The following HERC6 variants were observed in gnomAD, a reference collection of about 807,000 sequenced individuals.
HERC6 encodes probable E3 ubiquitin-protein ligase HERC6.
HERC6 carries 101 observed loss-of-function variants against 114.5 expected under a neutral mutation model. That is an observed-to-expected ratio of 0.88 (90% CI 0.75 to 1.04). The LOEUF (loss-of-function observed/expected upper bound fraction) is 1.04, where lower values mean the gene tolerates loss of function less well. Ranked by LOEUF, HERC6 falls within the 50% of genes least tolerant of loss-of-function variation. The pLI, the probability that HERC6 is intolerant of heterozygous loss-of-function variation, is 0.00. For synonymous variants in HERC6, 408 were observed against 436.2 expected (o/e 0.94, Z 0.81); for missense variants, 1,133 against 1,230.9 (o/e 0.92, Z 1.19).
In HERC6 at chr4:88,442,378, C is replaced by T. The variant is rs1173464026; in HGVS notation, c.2987C>T (p.Thr996Ile). 9 of 1,613,846 alleles carry T rather than the reference C, an allele frequency of 5.6e-6. No individual in the cohort carries two copies. Among genetic ancestry groups the T allele is most frequent in the Non-Finnish European group, 7.6e-6 (9 of 1,179,868 alleles). ...HNILSLPKYS[T>I]MERMEEALQV... Reference sequence around the variant, plus strand: ...ATTCTCTCCCTCCCTAAGTATTCTACAATGGAAAGAATGGAGGAAGCACTT... The same window carrying T: ...ATTCTCTCCCTCCCTAAGTATTCTATAATGGAAAGAATGGAGGAAGCACTT... The change falls in exon 23 of 23, where the codon ACA (threonine) becomes ATA (isoleucine). Residue 996 changes from threonine (T) to isoleucine (I), a missense_variant. Thr to Ile is a moderately conservative substitution (Grantham distance 89). This residue lies in a region of HERC6 where 388 missense variants were observed against 445.9 expected (regional missense o/e 0.87). Transcript: ENST00000264346.
At chr4:88,430,545 G>A (rs182368276) in intron 16 of HERC6, among the ~76,000 whole-genome samples, 32 of 151,138 alleles carry the variant, frequency 2.1e-4, no homozygotes, top group African/African-American at 6.3e-4. Flanking sequence ...ACTCCAGCCT[G>A]GGCAGCAGAG....
intron 10 of HERC6, 105 bp downstream of exon 10, chr4:88,405,718 A>G: frequency 1.8e-6 from 1 of 560,612 alleles, no homozygotes. Context: ...CTTGCCCACA[A>G]AGTCCAACAC....
At position 88,435,860 on chromosome 4, in the gene HERC6, G is replaced by A. The variant is rs1738680811; in HGVS notation, c.2386G>A (p.Asp796Asn). 1 of 1,608,622 alleles carries A rather than the reference G, an allele frequency of 6.2e-7. No individual in the cohort carries two copies. The highest frequency in any genetic ancestry group is 1.3e-5 in the African/African-American group (1 of 74,534). The change falls in exon 18 of 23, where the codon GAT (aspartate) becomes AAT (asparagine). Residue 796 changes from aspartate to asparagine, a missense_variant. By Grantham distance (23) the Asp-to-Asn change is conservative. Coordinates refer to ENST00000264346, the MANE Select transcript of HERC6 (RefSeq NM_017912.4). Reference sequence around the variant, plus strand: ...TCTGGACCAAAAGCCATCATTGGAAGATTTAAAAGAACTCAGTCCTCGGTT... The same window carrying A: ...TCTGGACCAAAAGCCATCATTGGAAAATTTAAAAGAACTCAGTCCTCGGTT... ...KLLDQKPSLEDLKELSPRLGK... is the reference protein window; with the variant it reads ...KLLDQKPSLENLKELSPRLGK...
chr4:88,392,121 C>T (rs1353547454), intron 4 of HERC6, among the ~76,000 whole-genome samples: 1 of 118,150 alleles, frequency 8.5e-6, no homozygotes, highest in Admixed American at 8.4e-5. Context: ...CCCCTCTCCC[C>T]TCCCTTCCCC....
intron 17 of HERC6, 70 bp from the exon 18 acceptor site, chr4:88,435,655 A>C: frequency 9.5e-7 from 1 of 1,057,422 alleles, no homozygotes; most frequent in Non-Finnish European, 1.2e-6. Flanking sequence ...ATTTTTTTTT[A>C]CTAATCTAAT....
rs1736434463 is a variant in HERC6, at chr4:88,415,958, T to C, written c.1559-1467T>C. On this transcript the variant is annotated intron_variant, in intron 12 of 22. Transcript: ENST00000264346. ...TAAAGTGTGGTGATCACTGATTGGTTGAGAAGTGAGGGGTGAAGTCAGGGA... is the reference window on the plus strand; with the variant it reads ...TAAAGTGTGGTGATCACTGATTGGTCGAGAAGTGAGGGGTGAAGTCAGGGA... 2.0e-5 allele frequency among the ~76,000 whole-genome samples: 3 copies of C among 152,178 alleles called. No individual in the cohort carries two copies. The South Asian group carries it at 6.2e-4, about 31-fold the overall frequency.
intron 6 of HERC6, among the ~76,000 whole-genome samples, chr4:88,396,365 C>T (rs1233408808): frequency 6.6e-6 from 1 of 151,950 alleles, no homozygotes; most frequent in Non-Finnish European, 1.5e-5. Context: ...GAACACTGTA[C>T]CAGGTGCTGG....
At chr4:88,422,473 G>A (rs1007587400) in intron 13 of HERC6, among the ~76,000 whole-genome samples, 2 of 152,094 alleles carry the variant, frequency 1.3e-5, no homozygotes, top group Non-Finnish European at 2.9e-5. Flanking sequence ...GTTTGCTGAG[G>A]GCTTTGTTCT....
intron 13 of HERC6, among the ~76,000 whole-genome samples, chr4:88,418,432 GC>G (rs747507872): frequency 6.6e-5 from 10 of 152,174 alleles, no homozygotes; most frequent in Non-Finnish European, 1.2e-4. Context: ...TACATACAGG[GC>G]ACTCCTGGAC....
intron 13 of HERC6, among the ~76,000 whole-genome samples, chr4:88,420,944 C>T (rs2148937185): frequency 6.6e-6 from 1 of 152,284 alleles, no homozygotes; most frequent in African/African-American, 2.4e-5. Flanking sequence ...ACTCCCATCC[C>T]CTTATTCTCA....
chr4:88,390,969 C>G (rs1056926886), intron 4 of HERC6, 90 bp downstream of exon 4: 1 of 1,038,662 alleles, frequency 9.6e-7, no homozygotes, highest in Non-Finnish European at 1.4e-6. Context: ...ACGCTTAAAA[C>G]AGTGGTTCCC....
chr4:88,390,505 C>T, intron 3 of HERC6, 147 bp from the exon 4 acceptor site: 1 of 696,670 alleles, frequency 1.4e-6, no homozygotes, highest in Non-Finnish European at 2.3e-6. Flanking sequence ...TTCAGCTCAT[C>T]ATATTGTATA....
intron 2 of HERC6, 113 bp downstream of exon 2, chr4:88,383,493 T>C: frequency 1.2e-6 from 1 of 818,700 alleles, no homozygotes; most frequent in Non-Finnish European, 1.7e-6. Flanking sequence ...CTGCAGTGGT[T>C]CATGTCTGTA....
In HERC6 at chr4:88,442,928, C is replaced by T. The variant is rs1739475517; in HGVS notation, c.*468C>T. ...TGGCTGTGAGTCAGTCTTTCATTTACATAGGGTGTAACCATCAAGAAACCT... is the reference window on the plus strand; with the variant it reads ...TGGCTGTGAGTCAGTCTTTCATTTATATAGGGTGTAACCATCAAGAAACCT... On this transcript the variant is annotated 3_prime_UTR_variant, in exon 23 of 23. Coordinates refer to ENST00000264346, the MANE Select transcript of HERC6 (RefSeq NM_017912.4). The T allele has an allele frequency of 5.5e-6, 1 of 181,874 alleles. No individual in the cohort carries two copies. The highest frequency in any genetic ancestry group is 2.3e-5 in the African/African-American group (1 of 42,740). The allele number at this position is 181,874 out of a possible 1,614,324, so 11.3% of individuals were successfully genotyped here.
At position 88,393,682 on chromosome 4, in the gene HERC6, T is replaced by G; in HGVS notation, c.759+100T>G. 10 of 607,760 alleles carry G rather than the reference T, an allele frequency of 1.6e-5. 1 individual carries two copies. The South Asian group carries it at 2.4e-4, about 15-fold the overall frequency. 37.6% of individuals were successfully genotyped at this position (607,760 alleles called of 1,614,324 possible). On this transcript the variant is annotated intron_variant, in intron 5 of 22. Transcript: ENST00000264346. ...TGAAAGACAGAGACATTAGCCCATTTGGGCCACTATAACAAAATACCATAA... is the reference window on the plus strand; with the variant it reads ...TGAAAGACAGAGACATTAGCCCATTGGGGCCACTATAACAAAATACCATAA...
At chr4:88,386,199 C>CTTTTTTTTTTTTTTTTTTTTTTTTTTT (rs1262540915) in intron 3 of HERC6, among the ~76,000 whole-genome samples, 1 of 131,940 alleles carries the variant, frequency 7.6e-6, no homozygotes. Flanking sequence ...TTTTTCTTTT[C>CTTTTTTTTTTTTTTTTTTTTTTTTTTT]TTTTTTTTTT....
chr4:88,415,017 AC>A (rs1211846006), intron 12 of HERC6, among the ~76,000 whole-genome samples: 1 of 152,100 alleles, frequency 6.6e-6, no homozygotes. Context: ...ACAGAGCAAT[AC>A]CCTATCTCAA....
intron 20 of HERC6, among the ~76,000 whole-genome samples, chr4:88,438,577 A>G (rs1436953589): frequency 1.3e-5 from 2 of 152,202 alleles, no homozygotes; most frequent in African/African-American, 4.8e-5. Flanking sequence ...AATGTCAGAT[A>G]AGGATGAGCA....
intron 3 of HERC6, among the ~76,000 whole-genome samples, chr4:88,386,841 G>A (rs1479442112): frequency 1.3e-5 from 2 of 152,118 alleles, no homozygotes; most frequent in East Asian, 3.9e-4. Flanking sequence ...TAAGAGAGGG[G>A]CAGAAACCTC....
Sources: gnomAD v4.1 joint callset for allele counts (sites outside exome capture counted in the v4.1 genomes callset) on GRCh38, gnomAD v4.1.1 for gene constraint, gnomAD v4.1.1 regional missense constraint, MANE v1.5 for transcripts, NCBI Gene and HGNC (gene_info 2026-07-23, HGNC 2026-07-21) for gene names.